Variants in MYO3B observed in about 807,000 individuals in gnomAD.
MYO3B encodes the protein myosin-IIIb.
MYO3B carries 156 observed loss-of-function variants against 174.6 expected under a neutral mutation model. The ratio of observed to expected loss-of-function variants is 0.89; its 90% CI spans 0.78 to 1.02. The LOEUF is 1.02. MYO3B is among the 50% of genes least tolerant of loss of function. MYO3B has a pLI of 0.00. For synonymous variants in MYO3B, 563 were observed against 569.1 expected, an observed-to-expected ratio of 0.99 and a Z score of 0.15; for missense variants, 1,632 against 1,639.4, an observed-to-expected ratio of 1.00 and a Z score of 0.08.
chr2:170,371,615 C>T (rs945723898), intron 9 of MYO3B, among the ~76,000 whole-genome samples: 3 of 151,194 alleles, frequency 2.0e-5, no homozygotes, highest in Non-Finnish European at 4.4e-5. Context: ...TTCAGCCCAC[C>T]AGGAAAAACT....
chr2:170,318,920 A>G (rs1215094197), intron 7 of MYO3B, among the ~76,000 whole-genome samples: 2 of 152,188 alleles, frequency 1.3e-5, no homozygotes, highest in Admixed American at 6.5e-5. Flanking sequence ...GGAAACCCAA[A>G]TATACCTATG....
chr2:170,242,726 C>T (rs761754456), intron 7 of MYO3B, among the ~76,000 whole-genome samples: 13 of 152,270 alleles, frequency 8.5e-5, no homozygotes, highest in South Asian at 6.2e-4. Flanking sequence ...GGTTGATTCC[C>T]AGCGCTATCT....
At chr2:170,298,833 A>G (rs2093645956) in intron 7 of MYO3B, among the ~76,000 whole-genome samples, 2 of 152,134 alleles carry the variant, frequency 1.3e-5, no homozygotes, top group Admixed American at 6.5e-5. Context: ...GACAGACCAC[A>G]TATATGACAG....
chr2:170,195,381 G>A (rs2081351), intron 1 of MYO3B, among the ~76,000 whole-genome samples: 55,004 of 151,894 alleles, frequency 0.36, 10,083 homozygotes, highest in African/African-American at 0.39. Flanking sequence ...AAGAGAAGGA[G>A]CATCTGAATG....
At chr2:170,228,314 C>A (rs1450328973) in intron 6 of MYO3B, among the ~76,000 whole-genome samples, 2 of 152,112 alleles carry the variant, frequency 1.3e-5, no homozygotes, top group Non-Finnish European at 2.9e-5. Flanking sequence ...TCCCCTCAGG[C>A]CCTCAGTTTT....
At chr2:170,517,460 T>C (rs78240653) in intron 29 of MYO3B, among the ~76,000 whole-genome samples, 1 of 152,302 alleles carries the variant, frequency 6.6e-6, no homozygotes, top group Admixed American at 6.5e-5. Context: ...GTTTTTTTTT[T>C]CTAGATCTCT....
chr2:170,556,160 A>C (rs6433217), intron 32 of MYO3B, among the ~76,000 whole-genome samples: 119,947 of 151,268 alleles, frequency 0.79, 48,130 homozygotes, highest in African/African-American at 0.87. Context: ...CACGCCATTG[A>C]ACTCCAGCCT....
At chr2:170,622,022 C>T (rs1006842654) in intron 32 of MYO3B, among the ~76,000 whole-genome samples, 1 of 152,136 alleles carries the variant, frequency 6.6e-6, no homozygotes, top group African/African-American at 2.4e-5. Flanking sequence ...CAGTTGTTCT[C>T]AACCTTCATT....
chr2:170,426,409 C>T (rs1409773204), intron 22 of MYO3B, among the ~76,000 whole-genome samples: 1 of 150,390 alleles, frequency 6.6e-6, no homozygotes, highest in Non-Finnish European at 1.5e-5. Flanking sequence ...GATCTCAGCT[C>T]ACTGCAAGCT....
intron 22 of MYO3B, among the ~76,000 whole-genome samples, chr2:170,420,837 A>C (rs750095877): frequency 2.0e-5 from 3 of 151,716 alleles, no homozygotes; most frequent in Non-Finnish European, 2.9e-5. Context: ...TGCTTTTTAG[A>C]ATTACTTCTG....
chr2:170,200,952 G>C (rs933989550), intron 3 of MYO3B, among the ~76,000 whole-genome samples: 2 of 152,198 alleles, frequency 1.3e-5, no homozygotes, highest in African/African-American at 2.4e-5. Context: ...GACTTTGGGG[G>C]AGTCAGTTCT....
Position 170,487,728 on chromosome 2 carries a change from G to A in MYO3B, c.3015-10864G>A, listed in dbSNP as rs529507454. Reference sequence around the variant, plus strand: ...TTTGAGTGCAAAACTCAATTGGAGGGATGAATCAAAGCAGAGCTCATTCAT... The same window carrying A: ...TTTGAGTGCAAAACTCAATTGGAGGAATGAATCAAAGCAGAGCTCATTCAT... On this transcript the variant is annotated intron_variant, in intron 25 of 34. Transcript: ENST00000408978. 3.3e-5 allele frequency among the ~76,000 whole-genome samples: 5 copies of A among 152,300 alleles called. No homozygotes were observed. In the East Asian group the frequency reaches 9.7e-4, roughly 29 times the overall value.
intron 7 of MYO3B, among the ~76,000 whole-genome samples, chr2:170,317,394 A>G (rs2093783525): frequency 6.6e-6 from 1 of 152,192 alleles, no homozygotes; most frequent in Admixed American, 6.5e-5. Flanking sequence ...GTTCTGTTTC[A>G]TTAGGTCTGT....
intron 22 of MYO3B, among the ~76,000 whole-genome samples, chr2:170,419,755 C>T (rs995470859): frequency 1.3e-5 from 2 of 152,134 alleles, no homozygotes; most frequent in Non-Finnish European, 2.9e-5. Context: ...CCCTCCGCCA[C>T]ACCTAGGGAG....
intron 32 of MYO3B, among the ~76,000 whole-genome samples, chr2:170,596,092 C>A (rs1398800414): frequency 6.6e-6 from 1 of 152,110 alleles, no homozygotes; most frequent in Non-Finnish European, 1.5e-5. Flanking sequence ...ATTAACTTTC[C>A]CACTTCATTA....
chr2:170,518,421 C>A (rs1688458326), intron 29 of MYO3B, among the ~76,000 whole-genome samples: 1 of 152,270 alleles, frequency 6.6e-6, no homozygotes, highest in South Asian at 2.1e-4. Flanking sequence ...AGTCTCCTTC[C>A]AACCCTAACT....
chr2:170,596,251 A>G (rs1694137822), intron 32 of MYO3B, among the ~76,000 whole-genome samples: 1 of 152,216 alleles, frequency 6.6e-6, no homozygotes. Context: ...TTGTTGTAAT[A>G]CAACAAATAA....
At chr2:170,555,404 T>C (rs2106237500) in intron 32 of MYO3B, among the ~76,000 whole-genome samples, 1 of 152,314 alleles carries the variant, frequency 6.6e-6, no homozygotes, top group South Asian at 2.1e-4. Context: ...AAAAATCCCA[T>C]CTCTACCTCC....
At chr2:170,547,272 G>A (rs1368207898) in intron 32 of MYO3B, among the ~76,000 whole-genome samples, 1 of 151,664 alleles carries the variant, frequency 6.6e-6, no homozygotes, top group Non-Finnish European at 1.5e-5. Context: ...GGAGCTTGCA[G>A]TGAGCCGAGA....
Sources: gnomAD v4.1 joint callset for allele counts (sites outside exome capture counted in the v4.1 genomes callset) on GRCh38, gnomAD v4.1.1 for gene constraint, MANE v1.5 for transcripts, NCBI Gene and HGNC (gene_info 2026-07-23, HGNC 2026-07-21) for gene names.